RTN3: variants seen among roughly 807,000 people sequenced by gnomAD.
RTN3 encodes reticulon 3.
RTN3 carries 49 observed loss-of-function variants against 77.8 expected under a neutral mutation model. The ratio of observed to expected loss-of-function variants is 0.63; its 90% CI spans 0.50 to 0.80. The LOEUF is 0.80. Among genes scored for constraint, RTN3 ranks in the 30% least tolerant of loss-of-function variants. The probability of loss-of-function intolerance (pLI) is 0.00; values close to 1 mark genes in which losing one functional copy is unlikely to be tolerated. For missense variants in RTN3, 1,236 were observed against 1,211.9 expected, an observed-to-expected ratio of 1.02 and a Z score of -0.29; for synonymous variants, 464 against 446.9, an observed-to-expected ratio of 1.04 and a Z score of -0.48.
In RTN3 at chr11:63,750,172, G is replaced by T; in HGVS notation, c.2712G>T (p.Gln904His). ...RIYKSVIQAV[Q>H]KSEEGHPFKA... is the part of the protein sequence containing the mutation. ...ACAAGTCCGTCATCCAAGCTGTACA[G>T]AAGTCAGAAGAAGGCCATCCATTCA... The change falls in exon 4 of 9, where the codon CAG becomes CAT. Residue 904 changes from glutamine to histidine, a missense_variant. Physicochemically the swap from Gln to His is conservative, Grantham distance 24. Around this residue, in one of 3 missense-constraint regions of RTN3, gnomAD observed 141 missense variants for 154.9 expected, o/e 0.91. Transcript: ENST00000377819. 6.2e-7 allele frequency: 1 copy of T among 1,612,204 alleles called. No individual in the cohort carries two copies. The highest frequency in any genetic ancestry group is 2.2e-5 in the East Asian group (1 of 44,876).
chr11:63,738,329 G>A (rs1276524787), intron 3 of RTN3, among the ~76,000 whole-genome samples: 1 of 152,046 alleles, frequency 6.6e-6, no homozygotes, highest in Non-Finnish European at 1.5e-5. Context: ...GAATGAATTG[G>A]AGATTTATTT....
At chr11:63,733,747 T>TGGC (rs988477044) in intron 3 of RTN3, among the ~76,000 whole-genome samples, 3 of 149,528 alleles carry the variant, frequency 2.0e-5, no homozygotes, top group African/African-American at 4.9e-5. Flanking sequence ...CTGGGCGTGG[T>TGGC]GGCGGTGGTG....
At chr11:63,723,449 A>T (rs1302073247) in intron 3 of RTN3, among the ~76,000 whole-genome samples, 2 of 147,092 alleles carry the variant, frequency 1.4e-5, no homozygotes, top group Non-Finnish European at 1.5e-5. Flanking sequence ...TTTGAGACAG[A>T]GTCTCACTCT....
Position 63,719,400 on chromosome 11 carries a change from A to G in RTN3, c.898A>G (p.Lys300Glu). The change falls in exon 3 of 9, where the codon AAA (lysine) becomes GAA (glutamate). Residue 300 changes from lysine (K) to glutamate (E), a missense_variant. Transcript: ENST00000377819. The stretch of plus-strand genomic sequence containing the variant: ...TGACAAGCTTTTTCCACTGAGAAAT[A>G]AAGAGGCAGGACGTTACCCAATGTC... Reference protein sequence around the residue: ...TNDKLFPLRNKEAGRYPMSAL... With the variant: ...TNDKLFPLRNEEAGRYPMSAL... The G allele has an allele frequency of 6.2e-7, 1 of 1,614,212 alleles. No individual in the cohort carries two copies. The highest frequency in any genetic ancestry group is 8.5e-7 in the Non-Finnish European group (1 of 1,180,034).
chr11:63,699,158 G>T (rs757945873), intron 1 of RTN3, among the ~76,000 whole-genome samples: 1 of 151,996 alleles, frequency 6.6e-6, no homozygotes, highest in Non-Finnish European at 1.5e-5. Context: ...AAAATTAGCC[G>T]TGTGTGGTAG....
In RTN3 at chr11:63,681,508, G is replaced by C; in HGVS notation, c.-129G>C. ...GCTCGGCTGAGTCAGTCAGTCTGTCGGAGTCTGTCCTCGGAGCAGGCGGAG... is the reference window on the plus strand; with the variant it reads ...GCTCGGCTGAGTCAGTCAGTCTGTCCGAGTCTGTCCTCGGAGCAGGCGGAG... On this transcript the variant is annotated 5_prime_UTR_variant, in exon 1 of 9. Coordinates refer to ENST00000377819, the MANE Select transcript of RTN3 (RefSeq NM_001265589.2). 2 of 968,976 alleles carry C rather than the reference G, an allele frequency of 2.1e-6. No individual in the cohort carries two copies. The highest frequency in any genetic ancestry group is 2.9e-6 in the Non-Finnish European group (2 of 688,082). The allele number at this position is 968,976 out of a possible 1,614,324, so 60.0% of individuals were successfully genotyped here. A position where few individuals can be genotyped will look rare whatever the true frequency, so the allele number is the denominator to read the frequency against.
chr11:63,701,805 C>T (rs553895168), intron 1 of RTN3, among the ~76,000 whole-genome samples: 17 of 151,900 alleles, frequency 1.1e-4, no homozygotes, highest in African/African-American at 2.9e-4. Flanking sequence ...ATTATCTGGG[C>T]GTAGTGGTGC....
chr11:63,733,550 G>T (rs2012851114), intron 3 of RTN3, among the ~76,000 whole-genome samples: 1 of 151,672 alleles, frequency 6.6e-6, no homozygotes, highest in East Asian at 1.9e-4. Flanking sequence ...AAAAACTATG[G>T]CATAAGTTCA....
chr11:63,709,441 A>G (rs1371092365), intron 2 of RTN3, among the ~76,000 whole-genome samples: 3 of 152,184 alleles, frequency 2.0e-5, no homozygotes, highest in Non-Finnish European at 2.9e-5. Flanking sequence ...TCCATCCACC[A>G]TGCCGCATTG....
rs1226526060 is a variant in RTN3, at chr11:63,758,544, C to T, written c.*343C>T. On this transcript the variant is annotated 3_prime_UTR_variant, in exon 9 of 9. Coordinates refer to ENST00000377819, the MANE Select transcript of RTN3 (RefSeq NM_001265589.2). ...AAAGAACACCTCTGGGTCCTTCTGT[C>T]CAGTTTTCAGCACTAGTCTTACTCA... 1 of 532,458 alleles carries T rather than the reference C, an allele frequency of 1.9e-6. No individual in the cohort carries two copies. The highest frequency in any genetic ancestry group is 3.0e-5 in the East Asian group (1 of 33,220). The allele number at this position is 532,458 out of a possible 1,614,324, so 33.0% of individuals were successfully genotyped here. A position where few individuals can be genotyped will look rare whatever the true frequency, so the allele number is the denominator to read the frequency against.
Position 63,753,097 on chromosome 11 carries a change from A to T in RTN3, c.2906A>T (p.Tyr969Phe). Residue 969 changes from tyrosine to phenylalanine, a missense_variant, in exon 6 of 9, where the codon TAT (tyrosine) becomes TTT (phenylalanine). By Grantham distance (22) the Tyr-to-Phe change is conservative. Coordinates refer to ENST00000377819, the MANE Select transcript of RTN3 (RefSeq NM_001265589.2). ...KLAVFMWLMT[Y>F]VGAVFNGITL... is the part of the protein sequence containing the mutation. ...GCTGTCTTCATGTGGCTGATGACCT[A>T]TGTTGGTGCTGTTTTTAACGGAATC... 1 of 1,614,096 alleles carries T rather than the reference A, an allele frequency of 6.2e-7. No individual in the cohort carries two copies. The highest frequency in any genetic ancestry group is 8.5e-7 in the Non-Finnish European group (1 of 1,180,004).
At chr11:63,705,199 G>C (rs1942438237) in intron 2 of RTN3, among the ~76,000 whole-genome samples, 1 of 152,122 alleles carries the variant, frequency 6.6e-6, no homozygotes, top group Non-Finnish European at 1.5e-5. Context: ...TAGAATTGTG[G>C]CTCAGAGGCC....
intron 3 of RTN3, among the ~76,000 whole-genome samples, chr11:63,745,841 C>CA (rs2013763018): frequency 6.6e-6 from 1 of 152,186 alleles, no homozygotes; most frequent in African/African-American, 2.4e-5. Flanking sequence ...GACGGAGTCT[C>CA]ACTCTTTCAC....
intron 1 of RTN3, among the ~76,000 whole-genome samples, chr11:63,691,637 T>C (rs1256900686): frequency 6.6e-6 from 1 of 152,168 alleles, no homozygotes; most frequent in African/African-American, 2.4e-5. Context: ...CTTCTTTTGC[T>C]CAAATCAAAA....
chr11:63,705,828 G>A (rs1942468032), intron 2 of RTN3, among the ~76,000 whole-genome samples: 1 of 152,196 alleles, frequency 6.6e-6, no homozygotes, highest in African/African-American at 2.4e-5. Flanking sequence ...TGTAGGGAAG[G>A]GAATCAGTTT....
Position 63,720,365 on chromosome 11 carries a change from T to A in RTN3, c.1863T>A (p.Asn621Lys). The part of the protein sequence containing the change: ...LPSTVSPNVF[N>K]ETEFSLNVTT... ...CAACAGTGTCTCCAAATGTTTTTAA[T>A]GAGACAGAATTCTCATTAAATGTGA... The change falls in exon 3 of 9, where the codon AAT becomes AAA. Residue 621 changes from asparagine (N) to lysine (K), a missense_variant. This residue lies in a region of RTN3 where 1,056 missense variants were observed against 990.4 expected (regional missense o/e 1.07). Transcript: ENST00000377819. 1.2e-6 allele frequency: 2 copies of A among 1,614,098 alleles called. No individual in the cohort carries two copies. The highest frequency in any genetic ancestry group is 2.2e-5 in the South Asian group (2 of 91,078).
chr11:63,685,842 T>C (rs775294216), intron 1 of RTN3, among the ~76,000 whole-genome samples: 2 of 152,204 alleles, frequency 1.3e-5, no homozygotes, highest in African/African-American at 2.4e-5. Flanking sequence ...TTGACTGACC[T>C]GTCCAGTAAT....
At position 63,753,152 on chromosome 11, in the gene RTN3, G is replaced by A. The variant is rs2014192515; in HGVS notation, c.2947+14G>A. 1.2e-6 allele frequency: 2 copies of A among 1,610,642 alleles called. No homozygotes were observed. The highest frequency in any genetic ancestry group is 2.7e-5 in the African/African-American group (2 of 74,850). ...TTCTAATTCTTGGTAAGGTGGCAAG[G>A]AGAATGTGCCCATGCTCTTTGAAGT... On this transcript the variant is annotated intron_variant, in intron 6 of 8. Transcript: ENST00000377819.
At chr11:63,724,569 G>C (rs2012095576) in intron 3 of RTN3, among the ~76,000 whole-genome samples, 1 of 136,526 alleles carries the variant, frequency 7.3e-6, no homozygotes, top group Admixed American at 8.1e-5. Flanking sequence ...TCGGGTCACT[G>C]CAACCTCCAC....
Sources: allele counts gnomAD v4.1 joint callset (sites outside exome capture counted in the v4.1 genomes callset), GRCh38; gene constraint gnomAD v4.1.1; regional missense constraint gnomAD v4.1.1; transcripts MANE v1.5; gene names NCBI Gene and HGNC (gene_info 2026-07-23, HGNC 2026-07-21).